EHBP1: variants seen among roughly 807,000 people sequenced by gnomAD.
EHBP1 encodes the protein EH domain-binding protein 1.
Under a neutral mutation model 144.0 loss-of-function variants are expected in EHBP1, and 55 were observed. The ratio of observed to expected loss-of-function variants is 0.38; its 90% CI spans 0.31 to 0.48. The LOEUF is 0.48. Ranked by LOEUF, EHBP1 falls within the 20% of genes least tolerant of loss-of-function variation. The probability of loss-of-function intolerance (pLI) is 0.98; values close to 1 mark genes in which losing one functional copy is unlikely to be tolerated. For missense variants in EHBP1, 1,200 were observed against 1,364.2 expected (o/e 0.88, Z 1.90); for synonymous variants, 469 against 472.7 (o/e 0.99, Z 0.10).
chr2:62,736,494 G>C (rs993309188), intron 2 of EHBP1, among the ~76,000 whole-genome samples: 16 of 152,004 alleles, frequency 1.1e-4, no homozygotes, highest in African/African-American at 3.9e-4. Flanking sequence ...AAAGCGCTGG[G>C]ATTATAGGCA....
At chr2:62,754,855 G>A (rs191100902) in intron 3 of EHBP1, among the ~76,000 whole-genome samples, 1 of 152,156 alleles carries the variant, frequency 6.6e-6, no homozygotes, top group Non-Finnish European at 1.5e-5. Context: ...TATGAGGGTG[G>A]GAGTGACCCG....
intron 5 of EHBP1, among the ~76,000 whole-genome samples, chr2:62,793,875 G>A (rs1290049125): frequency 6.6e-6 from 1 of 152,076 alleles, no homozygotes; most frequent in Non-Finnish European, 1.5e-5. Context: ...AAAAATAAGA[G>A]GAAAAGGAAT....
At chr2:62,924,196 C>G (rs1020256877) in intron 10 of EHBP1, among the ~76,000 whole-genome samples, 1 of 152,202 alleles carries the variant, frequency 6.6e-6, no homozygotes, top group Non-Finnish European at 1.5e-5. Flanking sequence ...CAGCCCTATG[C>G]TTGTTCTCCC....
intron 19 of EHBP1, among the ~76,000 whole-genome samples, chr2:63,000,462 G>A (rs990124799): frequency 1.3e-5 from 2 of 151,870 alleles, no homozygotes; most frequent in Non-Finnish European, 2.9e-5. Flanking sequence ...TTGGGAGGCC[G>A]AGACAGGTGG....
intron 19 of EHBP1, among the ~76,000 whole-genome samples, chr2:63,019,864 G>GAAGGAAGGAAGGAA (rs2060644925): frequency 8.3e-5 from 12 of 145,166 alleles, no homozygotes; most frequent in Admixed American, 2.1e-4. Flanking sequence ...AGGAAGGAAG[G>GAAGGAAGGAAGGAA]AAGGAAGGAA....
At chr2:62,763,900 A>C (rs2040961033) in intron 3 of EHBP1, among the ~76,000 whole-genome samples, 1 of 152,120 alleles carries the variant, frequency 6.6e-6, no homozygotes, top group Non-Finnish European at 1.5e-5. Flanking sequence ...CCACAAAAAT[A>C]ATTTTTAAAA....
chr2:62,959,135 T>C (rs2057870080), intron 14 of EHBP1, among the ~76,000 whole-genome samples: 1 of 152,236 alleles, frequency 6.6e-6, no homozygotes, highest in Non-Finnish European at 1.5e-5. Context: ...AGTATTTGTC[T>C]TTCTATAACT....
intron 8 of EHBP1, among the ~76,000 whole-genome samples, chr2:62,860,568 G>C (rs904375865): frequency 6.6e-6 from 1 of 152,170 alleles, no homozygotes; most frequent in Non-Finnish European, 1.5e-5. Flanking sequence ...AGCTGAGACT[G>C]AGAGAAGTTA....
chr2:62,699,595 A>G (rs1185910797), intron 1 of EHBP1, among the ~76,000 whole-genome samples: 1 of 152,254 alleles, frequency 6.6e-6, no homozygotes, highest in East Asian at 1.9e-4. Context: ...TAGACCAGCA[A>G]GGGCACTCTA....
chr2:62,710,596 A>G (rs1349116281), intron 2 of EHBP1, among the ~76,000 whole-genome samples: 1 of 152,034 alleles, frequency 6.6e-6, no homozygotes, highest in Non-Finnish European at 1.5e-5. Flanking sequence ...AAAGGTGAAG[A>G]TACATCCCTG....
intron 8 of EHBP1, among the ~76,000 whole-genome samples, 196 bp from the exon 9 acceptor site, chr2:62,864,535 T>C (rs2049892834): frequency 6.6e-6 from 1 of 152,134 alleles, no homozygotes; most frequent in African/African-American, 2.4e-5. Context: ...TGACAGAGAT[T>C]TTAGATATCA....
intron 5 of EHBP1, among the ~76,000 whole-genome samples, chr2:62,817,081 A>G (rs1283264003): frequency 1.3e-5 from 2 of 152,200 alleles, no homozygotes; most frequent in Admixed American, 6.5e-5. Context: ...AAAGTGTTGT[A>G]AGTCCTAGAA....
chr2:62,790,610 A>G (rs2043108469), intron 5 of EHBP1, among the ~76,000 whole-genome samples: 1 of 152,150 alleles, frequency 6.6e-6, no homozygotes. Flanking sequence ...GTAATCATTA[A>G]TTTTAAATAA....
intron 8 of EHBP1, among the ~76,000 whole-genome samples, chr2:62,863,840 GTTTTTTT>G (rs70962797): frequency 1.1e-4 from 9 of 82,732 alleles, no homozygotes; most frequent in Non-Finnish European, 1.9e-4. Context: ...TTTCTGTGTT[GTTTTTTT>G]TTTTTTTTTT....
chr2:62,901,179 C>T (rs867326830), intron 10 of EHBP1, among the ~76,000 whole-genome samples: 38 of 152,116 alleles, frequency 2.5e-4, no homozygotes, highest in South Asian at 6.2e-4. Context: ...TAAGTGTTCC[C>T]GTATTTTAGT....
chr2:62,827,039 A>G (rs530418601), intron 6 of EHBP1, among the ~76,000 whole-genome samples: 2 of 152,364 alleles, frequency 1.3e-5, no homozygotes, highest in South Asian at 2.1e-4. Context: ...GTGAGGGGAA[A>G]GAGACAGCTG....
chr2:62,765,902 T>C (rs2041143217), intron 4 of EHBP1, among the ~76,000 whole-genome samples: 1 of 152,150 alleles, frequency 6.6e-6, no homozygotes, highest in African/African-American at 2.4e-5. Context: ...AAAAGCTCTT[T>C]CAACCTTTAT....
At chr2:62,696,508 C>CTTTTTTTTTTTTTT (rs869081763) in intron 1 of EHBP1, among the ~76,000 whole-genome samples, 16 of 76,742 alleles carry the variant, frequency 2.1e-4, no homozygotes, top group Non-Finnish European at 3.4e-4. Flanking sequence ...TTTTTTTCTT[C>CTTTTTTTTTTTTTT]TTTTTTTTTT....
At chr2:62,788,563 A>G (rs940246132) in intron 5 of EHBP1, among the ~76,000 whole-genome samples, 3 of 152,142 alleles carry the variant, frequency 2.0e-5, no homozygotes, top group African/African-American at 7.2e-5. Flanking sequence ...TTGAAATTCC[A>G]GTTTAACTAT....
Sources: gnomAD v4.1 joint callset for allele counts (sites outside exome capture counted in the v4.1 genomes callset) on GRCh38, gnomAD v4.1.1 for gene constraint, MANE v1.5 for transcripts, NCBI Gene and HGNC (gene_info 2026-07-23, HGNC 2026-07-21) for gene names.